Variants in SCRG1 observed in about 807,000 individuals in gnomAD.
SCRG1 encodes the protein scrapie-responsive protein 1.
Under a neutral mutation model 7.7 loss-of-function variants are expected in SCRG1, and 3 were observed. That is an observed-to-expected ratio of 0.39 (90% confidence interval 0.18 to 1.01). The LOEUF (loss-of-function observed/expected upper bound fraction) is 1.01, where lower values mean the gene tolerates loss of function less well. Ranked by LOEUF, SCRG1 falls within the 50% of genes least tolerant of loss-of-function variation. SCRG1 has a pLI of 0.36. For missense variants in SCRG1, 110 were observed against 117.2 expected (o/e 0.94, Z 0.28); for synonymous variants, 46 against 41.2 (o/e 1.12, Z -0.44).
At chr4:173,486,072 T>G in the SCRG1 span, among the ~76,000 whole-genome samples, 1 of 152,202 alleles carries the variant, frequency 6.6e-6, no homozygotes, top group Non-Finnish European at 1.5e-5. Flanking sequence ...TCAAACTGCA[T>G]TTTAAAGTAA....
rs1186961706 is a variant in SCRG1 at position 173,388,337 on chromosome 4, A to T, written c.*4T>A. The T allele has an allele frequency of 1.2e-6, 2 of 1,609,302 alleles. No individual in the cohort carries two copies. Among genetic ancestry groups the T allele is most frequent in the East Asian group, 2.2e-5 (1 of 44,792 alleles). On this transcript the variant is annotated 3_prime_UTR_variant, in exon 3 of 3. Transcript: ENST00000296506. Reference sequence around the variant, plus strand: ...ATGGTGTTCTCCAGAATACATGAAGATTCTCATTGATTGTTGCAAGGAATC... The same window carrying T: ...ATGGTGTTCTCCAGAATACATGAAGTTTCTCATTGATTGTTGCAAGGAATC...
At chr4:173,452,547 C>T in the SCRG1 span, among the ~76,000 whole-genome samples, 1 of 152,144 alleles carries the variant, frequency 6.6e-6, no homozygotes, top group African/African-American at 2.4e-5. Flanking sequence ...CGGAAAAATG[C>T]AGAATTAATA....
chr4:173,448,382 TATC>T, the SCRG1 span, among the ~76,000 whole-genome samples: 2 of 152,216 alleles, frequency 1.3e-5, no homozygotes, highest in Admixed American at 1.3e-4. Flanking sequence ...ATGACATGGC[TATC>T]ATTGCCCCAC....
At chr4:173,476,363 A>AAAAAAAAAAAAT in the SCRG1 span, among the ~76,000 whole-genome samples, 1 of 98,490 alleles carries the variant, frequency 1.0e-5, no homozygotes, top group Non-Finnish European at 2.3e-5. Flanking sequence ...GGAAAAAAAA[A>AAAAAAAAAAAAT]ATATATATAT....
chr4:173,467,606 T>G, the SCRG1 span, among the ~76,000 whole-genome samples: 1 of 152,170 alleles, frequency 6.6e-6, no homozygotes, highest in Non-Finnish European at 1.5e-5. Flanking sequence ...TCACCTATAA[T>G]TCTTAGAACC....
intron 2 of SCRG1, among the ~76,000 whole-genome samples, chr4:173,390,498 G>A (rs1490364299): frequency 7.3e-6 from 1 of 136,630 alleles, no homozygotes; most frequent in Admixed American, 7.3e-5. Flanking sequence ...TTGAGATGGA[G>A]TTTCACTCTT....
intron 1 of SCRG1, among the ~76,000 whole-genome samples, chr4:173,395,658 C>T (rs1739583844): frequency 6.6e-6 from 1 of 152,224 alleles, no homozygotes; most frequent in Non-Finnish European, 1.5e-5. Context: ...AGCTCCCTTG[C>T]TCTATGTTCC....
the SCRG1 span, among the ~76,000 whole-genome samples, chr4:173,514,279 G>C: frequency 6.6e-6 from 1 of 152,196 alleles, no homozygotes; most frequent in African/African-American, 2.4e-5. Flanking sequence ...TGGAGGACTG[G>C]CTGAGCCATC....
chr4:173,457,197 G>A, the SCRG1 span, among the ~76,000 whole-genome samples: 1 of 152,188 alleles, frequency 6.6e-6, no homozygotes, highest in Non-Finnish European at 1.5e-5. Context: ...GGGCAGAGGG[G>A]ACTTTTCCAC....
chr4:173,395,176 T>C (rs1051151612), intron 1 of SCRG1, among the ~76,000 whole-genome samples: 1 of 152,220 alleles, frequency 6.6e-6, no homozygotes, highest in Admixed American at 6.5e-5. Context: ...TTTTCCTTAA[T>C]GATATTTATC....
At chr4:173,390,473 T>G (rs1439387699) in intron 2 of SCRG1, among the ~76,000 whole-genome samples, 1 of 135,110 alleles carries the variant, frequency 7.4e-6, no homozygotes, top group African/African-American at 2.8e-5. Context: ...TTGTTGTTCG[T>G]TTTTTTTTTT....
At chr4:173,444,530 A>G in the SCRG1 span, among the ~76,000 whole-genome samples, 1 of 152,244 alleles carries the variant, frequency 6.6e-6, no homozygotes, top group Non-Finnish European at 1.5e-5. Flanking sequence ...AACTTTATTT[A>G]CAACAATAGG....
the SCRG1 span, among the ~76,000 whole-genome samples, chr4:173,485,580 T>A: frequency 1.3e-5 from 2 of 152,068 alleles, no homozygotes; most frequent in Non-Finnish European, 2.9e-5. Context: ...TTTGCGATAG[T>A]TTGTTATACC....
the SCRG1 span, among the ~76,000 whole-genome samples, chr4:173,483,485 A>T: frequency 1.2e-4 from 9 of 74,604 alleles, 2 homozygotes; most frequent in Non-Finnish European, 1.9e-4. Flanking sequence ...CTGATATATA[A>T]TATATTATAT....
the SCRG1 span, among the ~76,000 whole-genome samples, chr4:173,516,511 C>G: frequency 2.0e-5 from 3 of 152,236 alleles, no homozygotes; most frequent in African/African-American, 7.2e-5. Flanking sequence ...GCAGGTCGCT[C>G]TCGTTTACGC....
At chr4:173,495,755 G>C in the SCRG1 span, among the ~76,000 whole-genome samples, 1 of 152,202 alleles carries the variant, frequency 6.6e-6, no homozygotes, top group African/African-American at 2.4e-5. Context: ...CTCATATCCA[G>C]CAAACATATC....
the SCRG1 span, chr4:173,469,636 A>C: frequency 6.6e-6 from 1 of 152,216 alleles, no homozygotes; most frequent in Non-Finnish European, 1.5e-5. Context: ...ACTGCAGGGA[A>C]AATGCTGTCT....
the SCRG1 span, among the ~76,000 whole-genome samples, chr4:173,504,015 TCC>T: frequency 6.6e-6 from 1 of 152,294 alleles, no homozygotes; most frequent in South Asian, 2.1e-4. This position sits in a 1 kb window ranked among gnomAD's most constrained non-coding sequence, Gnocchi z 4.7. Flanking sequence ...TGCATTCCAG[TCC>T]TGCACAACTG....
At chr4:173,402,728 T>C (rs1038004014), upstream of SCRG1, among the ~76,000 whole-genome samples, 68 of 152,210 alleles carry the variant, frequency 4.5e-4, no homozygotes, top group African/African-American at 1.6e-3. Context: ...GCTTGACTCC[T>C]TCTGGGCTCA....
Sources: gnomAD v4.1 joint callset for allele counts (sites outside exome capture counted in the v4.1 genomes callset) on GRCh38, gnomAD v4.1.1 for gene constraint, Gnocchi (gnomAD v3.1) non-coding constraint, MANE v1.5 for transcripts, NCBI Gene and HGNC (gene_info 2026-07-23, HGNC 2026-07-21) for gene names.